CRIM1: variants seen among roughly 807,000 people sequenced by gnomAD.
The protein encoded by CRIM1 is cysteine-rich motor neuron 1 protein.
CRIM1 carries 32 observed loss-of-function variants against 116.4 expected under a neutral mutation model. The observed-to-expected ratio is 0.27, with a 90% CI of 0.21 to 0.37. CRIM1 has a LOEUF of 0.37. Among genes scored for constraint, CRIM1 ranks in the 10% least tolerant of loss-of-function variants. CRIM1 has a pLI of 1.00. For synonymous variants in CRIM1, 590 were observed against 509.2 expected (o/e 1.16, Z -2.13); for missense variants, 1,331 against 1,354.8 (o/e 0.98, Z 0.28).
intron 7 of CRIM1, among the ~76,000 whole-genome samples, chr2:36,481,891 TGAG>T (rs1310880318): frequency 4.6e-5 from 7 of 152,212 alleles, no homozygotes; most frequent in Non-Finnish European, 7.3e-5. Context: ...TTGGCTCTGT[TGAG>T]GAGTGAGGGC....
chr2:36,513,326 C>A, intron 10 of CRIM1: 1 of 519,868 alleles, frequency 1.9e-6, no homozygotes, highest in Non-Finnish European at 3.4e-6. Context: ...AATCAGCGAT[C>A]ATCCCACGAA....
rs1677701146 is a variant in CRIM1 at position 36,462,975 on chromosome 2, G to T, written c.870-1559G>T. The stretch of plus-strand genomic sequence containing the variant: ...CCTGCAGGAATATAGCGTATGAATT[G>T]AGAGCTCCAAGCTCTACTCACACAA... On this transcript the variant is annotated intron_variant, in intron 4 of 16. Transcript: ENST00000280527. Among the ~76,000 whole-genome samples the T allele has an allele frequency of 2.0e-5, 3 of 152,152 alleles. No homozygotes were observed. In the South Asian group the frequency reaches 6.2e-4, roughly 32 times the overall value.
intron 4 of CRIM1, among the ~76,000 whole-genome samples, chr2:36,449,254 G>A (rs943231696): frequency 6.6e-6 from 1 of 152,130 alleles, no homozygotes; most frequent in African/African-American, 2.4e-5. Context: ...TTCATAGAGG[G>A]AGCATTGTGG....
At chr2:36,368,382 C>G (rs553202412) in intron 1 of CRIM1, among the ~76,000 whole-genome samples, 27 of 152,256 alleles carry the variant, frequency 1.8e-4, no homozygotes, top group African/African-American at 5.8e-4. Context: ...AAGTACAAGC[C>G]AACTGCGAAG....
chr2:36,464,337 G>C (rs1677824681), intron 4 of CRIM1, among the ~76,000 whole-genome samples, 197 bp from the exon 5 acceptor site: 1 of 152,178 alleles, frequency 6.6e-6, no homozygotes, highest in African/African-American at 2.4e-5. Flanking sequence ...ACATAAAGGA[G>C]ACAAGCCTTA....
At chr2:36,537,030 C>A (rs1448013834) in intron 13 of CRIM1, among the ~76,000 whole-genome samples, 1 of 152,148 alleles carries the variant, frequency 6.6e-6, no homozygotes, top group Non-Finnish European at 1.5e-5. Context: ...TTGAATCCAT[C>A]TCTGTAAATA....
Position 36,408,312 on chromosome 2 carries a change from C to T in CRIM1, c.505+11525C>T, listed in dbSNP as rs371830502. ...CACTGCTGGGGTAGCCCTGAGCACT[C>T]CTGCGCGTGTTTGTGGTTTCTGACT... On this transcript the variant is annotated intron_variant, in intron 2 of 16. Coordinates refer to ENST00000280527, the MANE Select transcript of CRIM1 (RefSeq NM_016441.3). Among the ~76,000 whole-genome samples, 7 of 152,262 alleles carry T rather than the reference C, an allele frequency of 4.6e-5. No individual in the cohort carries two copies. The East Asian group carries it at 7.7e-4, about 17-fold the overall frequency.
chr2:36,510,469 A>G (rs1395012455), intron 9 of CRIM1, among the ~76,000 whole-genome samples: 2 of 151,982 alleles, frequency 1.3e-5, no homozygotes, highest in Non-Finnish European at 2.9e-5. Context: ...AAGTGCTACA[A>G]CTCTTCACAC....
At position 36,483,862 on chromosome 2, in the gene CRIM1, G is replaced by T. The variant is rs141473726; in HGVS notation, c.1372+4168G>T. On this transcript the variant is annotated intron_variant, in intron 7 of 16. Coordinates refer to ENST00000280527, the MANE Select transcript of CRIM1 (RefSeq NM_016441.3). ...CTGATACAGGGTTACCTTAACCAGA[G>T]CGTCAAAAGCTGATGGCCATTGGGA... Among the ~76,000 whole-genome samples the T allele has an allele frequency of 3.5e-3, 529 of 152,312 alleles. 1 individual carries two copies. The highest frequency in any genetic ancestry group is 0.012 in the African/African-American group (487 of 41,572).
At chr2:36,372,141 G>A (rs1441358532) in intron 1 of CRIM1, among the ~76,000 whole-genome samples, 1 of 152,106 alleles carries the variant, frequency 6.6e-6, no homozygotes, top group East Asian at 1.9e-4. Context: ...AGCTTCTTTG[G>A]GGAAGGAAAT....
rs1441161775 is a variant in CRIM1, at chr2:36,550,058, TGTGTGTGTGC to T, written c.*1359_*1368del. ...GAGTATGTATGTGTGTGTGTGTGTGTGTGTGTGTGCGCGCGCACGCACGCCTTGAGCAGTC... is the reference window on the plus strand; with the variant it reads ...GAGTATGTATGTGTGTGTGTGTGTGTGCGCGCACGCACGCCTTGAGCAGTC... On this transcript the variant is annotated 3_prime_UTR_variant, in exon 17 of 17. Coordinates refer to ENST00000280527, the MANE Select transcript of CRIM1 (RefSeq NM_016441.3). The T allele has an allele frequency of 3.3e-5, 5 of 149,320 alleles. No individual in the cohort carries two copies. Among genetic ancestry groups the T allele is most frequent in the African/African-American group, 1.2e-4 (5 of 40,376 alleles). The allele number at this position is 149,320 out of a possible 1,614,324, so 9.2% of individuals were successfully genotyped here. A position where few individuals can be genotyped will look rare whatever the true frequency, so the allele number is the denominator to read the frequency against.
Position 36,379,865 on chromosome 2 carries a change from C to T in CRIM1, c.332-16749C>T, listed in dbSNP as rs542924821. Among the ~76,000 whole-genome samples the T allele has an allele frequency of 8.5e-5, 11 of 129,664 alleles. 1 individual carries two copies. The South Asian group carries it at 2.3e-3, about 27-fold the overall frequency. 85.1% of individuals were successfully genotyped at this position (129,664 alleles called of 152,430 possible). A position where few individuals can be genotyped will look rare whatever the true frequency, so the allele number is the denominator to read the frequency against. On this transcript the variant is annotated intron_variant, in intron 1 of 16. Transcript: ENST00000280527. ...CCCACAGACTGACTTTGTGGTCAAA[C>T]TTTACTCATAAGGATTTATTAAAAG...
Position 36,547,025 on chromosome 2 carries a change from C to T in CRIM1, c.2788C>T (p.His930Tyr). 2 of 1,612,512 alleles carry T rather than the reference C, an allele frequency of 1.2e-6. No homozygotes were observed. Among genetic ancestry groups the T allele is most frequent in the South Asian group, 1.1e-5 (1 of 90,974 alleles). The change falls in exon 16 of 17, where the codon CAC (histidine) becomes TAC (tyrosine). Residue 930 changes from histidine (H) to tyrosine (Y), a missense_variant. By Grantham distance (83) the His-to-Tyr change is moderately conservative. Around this residue, in one of 3 missense-constraint regions of CRIM1, gnomAD observed 283 missense variants for 242.8 expected, o/e 1.17. Transcript: ENST00000280527. ...LQVDYRDNRLHPSEDSSLDSI... is the reference protein window; with the variant it reads ...LQVDYRDNRLYPSEDSSLDSI... ...GGTAGATTACAGAGATAACAGGCTG[C>T]ACCCAAGTGAAGATTCTTCACTGGA...
chr2:36,399,369 G>A (rs1672257514), intron 2 of CRIM1, among the ~76,000 whole-genome samples: 1 of 152,208 alleles, frequency 6.6e-6, no homozygotes, highest in South Asian at 2.1e-4. Context: ...CTTTTCAGCT[G>A]TTTAGATGTG....
chr2:36,392,181 C>G (rs976926483), intron 1 of CRIM1, among the ~76,000 whole-genome samples: 1 of 152,142 alleles, frequency 6.6e-6, no homozygotes, highest in African/African-American at 2.4e-5. Flanking sequence ...CCTGGCACTT[C>G]ACTGTAGTAC....
chr2:36,369,906 TCA>T (rs1205799046), intron 1 of CRIM1, among the ~76,000 whole-genome samples: 2 of 152,212 alleles, frequency 1.3e-5, no homozygotes, highest in African/African-American at 4.8e-5. Flanking sequence ...GTGTATTTTT[TCA>T]GTTGCTGAGG....
At chr2:36,516,129 C>A (rs1665016729) in intron 11 of CRIM1, among the ~76,000 whole-genome samples, 1 of 152,110 alleles carries the variant, frequency 6.6e-6, no homozygotes, top group South Asian at 2.1e-4. Context: ...AAGTTGTTAC[C>A]CTCTTAACTG....
chr2:36,515,346 AGTT>A (rs1343741557), intron 11 of CRIM1, among the ~76,000 whole-genome samples: 7 of 152,216 alleles, frequency 4.6e-5, no homozygotes, highest in Admixed American at 6.5e-5. Context: ...GCACACGTGA[AGTT>A]GTTGTTGATA....
At chr2:36,451,615 G>T (rs1343070302) in intron 4 of CRIM1, among the ~76,000 whole-genome samples, 2 of 152,168 alleles carry the variant, frequency 1.3e-5, no homozygotes, top group African/African-American at 4.8e-5. Context: ...TGCTCTGTGT[G>T]CTCAAATGCT....
Sources: allele counts gnomAD v4.1 joint callset (sites outside exome capture counted in the v4.1 genomes callset), GRCh38; gene constraint gnomAD v4.1.1; regional missense constraint gnomAD v4.1.1; transcripts MANE v1.5; gene names NCBI Gene and HGNC (gene_info 2026-07-23, HGNC 2026-07-21).